Variants in NHEJ1 observed in about 807,000 individuals in gnomAD.
NHEJ1 encodes the protein non-homologous end-joining factor 1.
NHEJ1 carries 22 observed loss-of-function variants against 39.4 expected under a neutral mutation model. That is an observed-to-expected ratio of 0.56 (90% CI 0.40 to 0.80). The LOEUF (loss-of-function observed/expected upper bound fraction) is 0.80, where lower values mean the gene tolerates loss of function less well. Ranked by LOEUF, NHEJ1 falls within the 30% of genes least tolerant of loss-of-function variation. NHEJ1 has a pLI of 0.00. For synonymous variants in NHEJ1, 154 were observed against 135.6 expected, an observed-to-expected ratio of 1.14 and a Z score of -0.94; for missense variants, 329 against 357.1, an observed-to-expected ratio of 0.92 and a Z score of 0.63.
rs1272059689 is a variant in NHEJ1, at chr2:219,071,416, C to A, written c.*4965G>T. Among the ~76,000 whole-genome samples the A allele has an allele frequency of 6.6e-6, 1 of 152,182 alleles. No individual in the cohort carries two copies. The highest frequency in any genetic ancestry group is 2.4e-5 in the African/African-American group (1 of 41,444). ...GAAATTTAACCACAATATTCTCGGTCTCTATTGTTTTGAGTGAGGCCCAAT... is the reference window on the plus strand; with the variant it reads ...GAAATTTAACCACAATATTCTCGGTATCTATTGTTTTGAGTGAGGCCCAAT... On this transcript the variant is annotated 3_prime_UTR_variant, in exon 8 of 8. Transcript: ENST00000356853.
intron 5 of NHEJ1, among the ~76,000 whole-genome samples, chr2:219,094,138 A>C (rs1452484000): frequency 6.6e-6 from 1 of 152,196 alleles, no homozygotes; most frequent in Non-Finnish European, 1.5e-5. Flanking sequence ...TCAACAGGGT[A>C]CCTGCCTAAC....
At chr2:219,148,882 C>A (rs7589228) in intron 3 of NHEJ1, among the ~76,000 whole-genome samples, 74,238 of 150,166 alleles carry the variant, frequency 0.49, 20,440 homozygotes, top group Non-Finnish European at 0.63. Context: ...CTACACACAA[C>A]CCCCCCTTTT....
intron 5 of NHEJ1, among the ~76,000 whole-genome samples, chr2:219,097,715 T>C (rs1235438839): frequency 6.6e-6 from 1 of 152,190 alleles, no homozygotes; most frequent in Non-Finnish European, 1.5e-5. Flanking sequence ...AAGTTCAATA[T>C]GAATATGTTG....
rs1317773259 is a variant in NHEJ1, at chr2:219,074,442, C to G, written c.*1939G>C. Among the ~76,000 whole-genome samples, 1 of 152,038 alleles carries G rather than the reference C, an allele frequency of 6.6e-6. No individual in the cohort carries two copies. Among genetic ancestry groups the G allele is most frequent in the Non-Finnish European group, 1.5e-5 (1 of 68,012 alleles). On this transcript the variant is annotated 3_prime_UTR_variant, in exon 8 of 8. Transcript: ENST00000356853. ...CTGAAATCTGACTATCTAAATTATG[C>G]TGAAAAGAAACGAAAGATCGGCCAG...
chr2:219,134,554 T>C (rs1005805066), intron 5 of NHEJ1, among the ~76,000 whole-genome samples: 39 of 152,188 alleles, frequency 2.6e-4, no homozygotes, highest in African/African-American at 8.2e-4. Context: ...ATCTCAATCT[T>C]TGGGCCTTTG....
chr2:219,132,918 C>G (rs1949592199), intron 5 of NHEJ1, among the ~76,000 whole-genome samples: 1 of 152,102 alleles, frequency 6.6e-6, no homozygotes, highest in Non-Finnish European at 1.5e-5. Context: ...TTTTTAAGGG[C>G]AGAAAACATG....
chr2:219,129,527 C>G (rs902166159), intron 5 of NHEJ1, among the ~76,000 whole-genome samples: 1 of 152,182 alleles, frequency 6.6e-6, no homozygotes, highest in Non-Finnish European at 1.5e-5. Context: ...ATCAAGGGAG[C>G]TTACTCTTTA....
intron 5 of NHEJ1, among the ~76,000 whole-genome samples, chr2:219,132,038 A>G (rs908379370): frequency 6.6e-6 from 1 of 152,224 alleles, no homozygotes; most frequent in Non-Finnish European, 1.5e-5. Context: ...ATGGACCCCA[A>G]TTTCCACATA....
intron 5 of NHEJ1, among the ~76,000 whole-genome samples, chr2:219,107,449 C>CAA (rs1949324777): frequency 6.6e-6 from 1 of 152,136 alleles, no homozygotes; most frequent in South Asian, 2.1e-4. Context: ...GAATTCAAAT[C>CAA]AAAGTATTCT....
At chr2:219,159,599 ATG>A (rs1369664215) in intron 1 of NHEJ1, among the ~76,000 whole-genome samples, 5 of 138,542 alleles carry the variant, frequency 3.6e-5, no homozygotes, top group South Asian at 4.4e-4. Context: ...ATATATATAT[ATG>A]CATATATATA....
chr2:219,088,812 TTTTG>T (rs1223803449), intron 5 of NHEJ1, among the ~76,000 whole-genome samples: 1 of 152,200 alleles, frequency 6.6e-6, no homozygotes, highest in African/African-American at 2.4e-5. Context: ...TTCAGCTTTT[TTTTG>T]TTTGTTTGTT....
rs1949864157 is a variant in NHEJ1, at chr2:219,157,398, A to C, written c.390+74T>G. Reference sequence around the variant, plus strand: ...AATTTCAAACAAGGTTTGCAAAAAAAATAAAAGCACCTAAAGCTTCCTCTC... The same window carrying C: ...AATTTCAAACAAGGTTTGCAAAAAACATAAAAGCACCTAAAGCTTCCTCTC... On this transcript the variant is annotated intron_variant, in intron 3 of 7. Transcript: ENST00000356853. 3 of 1,357,066 alleles carry C rather than the reference A, an allele frequency of 2.2e-6. No individual in the cohort carries two copies. In the East Asian group the frequency reaches 6.9e-5, roughly 31 times the overall value. The allele number at this position is 1,357,066 out of a possible 1,614,324, so 84.1% of individuals were successfully genotyped here. A position where few individuals can be genotyped will look rare whatever the true frequency, so the allele number is the denominator to read the frequency against.
intron 5 of NHEJ1, among the ~76,000 whole-genome samples, chr2:219,135,866 T>C (rs1007476572): frequency 1.3e-5 from 2 of 152,154 alleles, no homozygotes; most frequent in South Asian, 4.1e-4. Flanking sequence ...AATGGTGGAT[T>C]TGATGGAGCA....
chr2:219,158,373 G>T lies in NHEJ1; in HGVS notation c.1-11C>A. 6.2e-7 allele frequency: 1 copy of T among 1,613,808 alleles called. No individual in the cohort carries two copies. Among genetic ancestry groups the T allele is most frequent in the Non-Finnish European group, 8.5e-7 (1 of 1,180,010 alleles). Reference sequence around the variant, plus strand: ...CTCCAGTTCTTCCATCTGCAAAAAAGTCCTCATTTAGTAAAGAGCCTCAGG... The same window carrying T: ...CTCCAGTTCTTCCATCTGCAAAAAATTCCTCATTTAGTAAAGAGCCTCAGG... On this transcript the variant is annotated splice_polypyrimidine_tract_variant and intron_variant, in intron 1 of 7. Coordinates refer to ENST00000356853, the MANE Select transcript of NHEJ1 (RefSeq NM_024782.3).
rs758212717 is a variant in NHEJ1, at chr2:219,077,379, A to G, written c.707-15T>C. On this transcript the variant is annotated splice_polypyrimidine_tract_variant and intron_variant, in intron 6 of 7. Coordinates refer to ENST00000356853, the MANE Select transcript of NHEJ1 (RefSeq NM_024782.3). ...ATGAGGATCTCCTGAAATCAGAAAGATCAAGAGAAGATAGTGATAAATGCC... is the reference window on the plus strand; with the variant it reads ...ATGAGGATCTCCTGAAATCAGAAAGGTCAAGAGAAGATAGTGATAAATGCC... 1.3e-6 allele frequency: 2 copies of G among 1,578,910 alleles called. No individual in the cohort carries two copies. Among genetic ancestry groups the G allele is most frequent in the East Asian group, 4.5e-5 (2 of 44,682 alleles).
At position 219,074,802 on chromosome 2, in the gene NHEJ1, T is replaced by C. The variant is rs553903645; in HGVS notation, c.*1579A>G. On this transcript the variant is annotated 3_prime_UTR_variant, in exon 8 of 8. Transcript: ENST00000356853. ...CAGCTGATAGGCTGTTTTTATATAG[T>C]TCCCAATTCACTTCGATGACAGTCA... 3.4e-4 allele frequency among the ~76,000 whole-genome samples: 52 copies of C among 151,528 alleles called. No homozygotes were observed. The highest frequency in any genetic ancestry group is 1.2e-3 in the African/African-American group (50 of 41,254).
In NHEJ1 at chr2:219,115,720, G is replaced by A. The variant is rs946729217; in HGVS notation, c.588+30960C>T. The stretch of plus-strand genomic sequence containing the variant: ...ACCTCAACTTCTTTTCATACACAAA[G>A]TCCACTCCGACAACTCATGTGGGCT... On this transcript the variant is annotated intron_variant, in intron 5 of 7. Transcript: ENST00000356853. Among the ~76,000 whole-genome samples, 5 of 152,202 alleles carry A rather than the reference G, an allele frequency of 3.3e-5. No individual in the cohort carries two copies. The South Asian group carries it at 8.3e-4, about 25-fold the overall frequency.
chr2:219,138,854 G>A (rs1041110321), intron 5 of NHEJ1, among the ~76,000 whole-genome samples: 1 of 152,182 alleles, frequency 6.6e-6, no homozygotes, highest in Non-Finnish European at 1.5e-5. Flanking sequence ...AGACATTGTT[G>A]TAGTCCATGT....
intron 5 of NHEJ1, among the ~76,000 whole-genome samples, chr2:219,083,420 A>T (rs1949083318): frequency 6.6e-6 from 1 of 151,902 alleles, no homozygotes. Flanking sequence ...GTAGGTTCTC[A>T]CTCAAAGAGG....
Sources: allele counts gnomAD v4.1 joint callset (sites outside exome capture counted in the v4.1 genomes callset), GRCh38; gene constraint gnomAD v4.1.1; transcripts MANE v1.5; gene names NCBI Gene and HGNC (gene_info 2026-07-23, HGNC 2026-07-21).